Variants in MALRD1 observed in about 807,000 individuals in gnomAD.
MALRD1 encodes the protein MAM and LDL receptor class A domain containing 1, also known as MAM and LDL-receptor class A domain-containing protein 1.
MALRD1 carries 247 observed loss-of-function variants against 242.1 expected under a neutral mutation model. The ratio of observed to expected loss-of-function variants is 1.02; its 90% CI spans 0.92 to 1.13. The LOEUF is 1.13. Ranked by LOEUF, MALRD1 falls within the 50% of genes most tolerant of loss-of-function variation. MALRD1 has a pLI of 0.00. For missense variants in MALRD1, 2,989 were observed against 2,533.1 expected (o/e 1.18, Z -3.86); for synonymous variants, 995 against 866.6 (o/e 1.15, Z -2.60).
At chr10:19,188,622 GCT>G (rs1564453727) in intron 14 of MALRD1, among the ~76,000 whole-genome samples, 38 of 152,216 alleles carry the variant, frequency 2.5e-4, no homozygotes, top group African/African-American at 8.9e-4. Flanking sequence ...AGTCTACGGA[GCT>G]ACCTTGTTTA....
intron 36 of MALRD1, among the ~76,000 whole-genome samples, chr10:19,616,225 T>G (rs1839151134): frequency 6.6e-6 from 1 of 152,056 alleles, no homozygotes; most frequent in Non-Finnish European, 1.5e-5. Flanking sequence ...TTAAAAGATA[T>G]TTTTCTGATA....
At chr10:19,372,085 A>G (rs751611577) in intron 26 of MALRD1, among the ~76,000 whole-genome samples, 1 of 152,206 alleles carries the variant, frequency 6.6e-6, no homozygotes, top group Non-Finnish European at 1.5e-5. Flanking sequence ...TCAGTTATAC[A>G]ATTACGTTAA....
chr10:19,355,858 T>TATATATATATATATA (rs57813656), intron 26 of MALRD1, among the ~76,000 whole-genome samples: 3,928 of 94,678 alleles, frequency 0.041, 364 homozygotes, highest in African/African-American at 0.06. Context: ...TATATATATA[T>TATATATATATATATA]TATATATGAT....
chr10:19,390,090 G>C (rs1846274288), intron 28 of MALRD1, among the ~76,000 whole-genome samples: 1 of 152,150 alleles, frequency 6.6e-6, no homozygotes, highest in African/African-American at 2.4e-5. Context: ...ATGAGAACCA[G>C]CTTTGAGTTC....
Position 19,124,558 on chromosome 10 carries a change from T to C in MALRD1, c.831T>C (p.Cys277=), listed in dbSNP as rs1837184713. ...CCTGTGGGTTTGAATTTGACATGTG[T>C]GAGTGGACGTCAGAAGCATCTGCTG... ...CQACGFEFDM[C]EWTSEASAGQ... is the part of the protein sequence containing the mutation. The change falls in exon 7 of 40, where the codon TGT becomes TGC. Residue 277 remains cysteine, a synonymous_variant. Coordinates refer to ENST00000454679, the MANE Select transcript of MALRD1 (RefSeq NM_001142308.3). 8.1e-7 allele frequency: 1 copy of C among 1,233,786 alleles called. No homozygotes were observed. Among genetic ancestry groups the C allele is most frequent in the Non-Finnish European group, 1.0e-6 (1 of 988,108 alleles). 76.4% of individuals were successfully genotyped at this position (1,233,786 alleles called of 1,614,324 possible).
chr10:19,394,731 G>A (rs1846502776), intron 28 of MALRD1, among the ~76,000 whole-genome samples: 2 of 152,154 alleles, frequency 1.3e-5, no homozygotes, highest in African/African-American at 4.8e-5. Context: ...ATGTTCCAGT[G>A]AGCCTTTGCT....
At chr10:19,251,352 T>C (rs1016837373) in intron 18 of MALRD1, among the ~76,000 whole-genome samples, 2 of 151,968 alleles carry the variant, frequency 1.3e-5, no homozygotes, top group Non-Finnish European at 2.9e-5. Flanking sequence ...AAAAATAAGC[T>C]CTTCTTGCCA....
At chr10:19,230,392 G>A (rs10827101) in intron 18 of MALRD1, among the ~76,000 whole-genome samples, 27,784 of 152,034 alleles carry the variant, frequency 0.18, 2,689 homozygotes, top group East Asian at 0.35. Context: ...GCTTCCAGGG[G>A]GGGCCTCAGG....
In MALRD1 at chr10:19,595,229, G is replaced by A. The variant is rs1447878385; in HGVS notation, c.5716G>A (p.Asp1906Asn). ...VPVQPSPCEA[D>N]QFSCIYTLQC... ...AGTGCAGCCATCACCCTGTGAAGCT[G>A]ATCAGTTTTCTTGTATCTACACACT... Residue 1906 changes from aspartate to asparagine, a missense_variant, in exon 34 of 40, where the codon GAT becomes AAT. Coordinates refer to ENST00000454679, the MANE Select transcript of MALRD1 (RefSeq NM_001142308.3). 12 of 1,550,314 alleles carry A rather than the reference G, an allele frequency of 7.7e-6. No individual in the cohort carries two copies. Among genetic ancestry groups the A allele is most frequent in the Non-Finnish European group, 9.6e-6 (11 of 1,146,834 alleles).
intron 26 of MALRD1, among the ~76,000 whole-genome samples, chr10:19,379,624 C>G (rs1387001072): frequency 1.3e-5 from 2 of 152,074 alleles, no homozygotes; most frequent in African/African-American, 2.4e-5. Flanking sequence ...TATTTTAATT[C>G]TGTTGTGCTT....
intron 28 of MALRD1, among the ~76,000 whole-genome samples, chr10:19,446,464 G>A (rs1408814165): frequency 6.6e-6 from 1 of 152,160 alleles, no homozygotes; most frequent in East Asian, 1.9e-4. Flanking sequence ...CTAGTTATTT[G>A]GGAAAAAGTT....
intron 36 of MALRD1, among the ~76,000 whole-genome samples, chr10:19,635,022 C>A (rs1024810471): frequency 1.3e-5 from 2 of 152,126 alleles, no homozygotes; most frequent in African/African-American, 4.8e-5. Context: ...GAATATTTGT[C>A]ATGGCAAGGA....
At chr10:19,693,183 C>G (rs927835978) in intron 38 of MALRD1, among the ~76,000 whole-genome samples, 2 of 151,832 alleles carry the variant, frequency 1.3e-5, no homozygotes, top group East Asian at 3.9e-4. Flanking sequence ...GATGCCCTCT[C>G]TCACCACTCC....
intron 12 of MALRD1, 106 bp from the exon 13 acceptor site, chr10:19,165,531 C>T (rs906523831): frequency 2.9e-5 from 25 of 865,278 alleles, no homozygotes; most frequent in Admixed American, 8.7e-5. Context: ...TTTGGGAGGC[C>T]GAGGCAGGCA....
intron 29 of MALRD1, among the ~76,000 whole-genome samples, chr10:19,485,868 A>G (rs1467783092): frequency 5.3e-5 from 8 of 152,056 alleles, no homozygotes; most frequent in Non-Finnish European, 1.0e-4. Flanking sequence ...AAACAACTCT[A>G]TGATGAATAA....
At chr10:19,100,100 C>G (rs1406803084) in intron 4 of MALRD1, among the ~76,000 whole-genome samples, 2 of 151,968 alleles carry the variant, frequency 1.3e-5, no homozygotes, top group Non-Finnish European at 2.9e-5. Context: ...GTTCCACTTT[C>G]TTTAGCTAAT....
intron 38 of MALRD1, among the ~76,000 whole-genome samples, chr10:19,718,285 G>C (rs1564566483): frequency 6.6e-6 from 1 of 151,908 alleles, no homozygotes; most frequent in Non-Finnish European, 1.5e-5. Context: ...TAAAGAAAAG[G>C]GGCTTAGTTG....
intron 36 of MALRD1, among the ~76,000 whole-genome samples, chr10:19,623,074 A>G (rs1839475436): frequency 6.6e-6 from 1 of 152,102 alleles, no homozygotes; most frequent in Non-Finnish European, 1.5e-5. Context: ...AAATTTCTCT[A>G]TATTATGAAT....
chr10:19,082,687 T>A (rs111931267), intron 2 of MALRD1, among the ~76,000 whole-genome samples: 1 of 151,930 alleles, frequency 6.6e-6, no homozygotes, highest in African/African-American at 2.4e-5. Context: ...TAAAACAATA[T>A]ACTCTTGGAC....
Sources: allele counts gnomAD v4.1 joint callset (sites outside exome capture counted in the v4.1 genomes callset), GRCh38; gene constraint gnomAD v4.1.1; transcripts MANE v1.5; gene names NCBI Gene and HGNC (gene_info 2026-07-23, HGNC 2026-07-21).